The following MIB2 variants were observed in gnomAD, a reference collection of about 807,000 sequenced individuals.
MIB2 encodes MIB E3 ubiquitin protein ligase 2, also known as E3 ubiquitin-protein ligase MIB2.
MIB2 carries 78 observed loss-of-function variants against 96.6 expected under a neutral mutation model. The ratio of observed to expected loss-of-function variants is 0.81; its 90% CI spans 0.67 to 0.97. MIB2 has a LOEUF of 0.97. Ranked by LOEUF, MIB2 falls within the 50% of genes least tolerant of loss-of-function variation. The pLI, the probability that MIB2 is intolerant of heterozygous loss-of-function variation, is 0.00. For missense variants in MIB2, 1,543 were observed against 1,424.0 expected (o/e 1.08, Z -1.35); for synonymous variants, 820 against 629.5 (o/e 1.30, Z -4.53).
intron 4 of MIB2, chr1:1,624,355 C>T (rs1235965914): frequency 7.9e-6 from 3 of 379,666 alleles, no homozygotes; most frequent in Admixed American, 4.3e-5. Context: ...CCTCCCTGCA[C>T]GTGGAGGGAG....
intron 2 of MIB2, among the ~76,000 whole-genome samples, chr1:1,622,351 ATTC>A (rs1644338527): frequency 2.0e-5 from 3 of 151,986 alleles, no homozygotes; most frequent in South Asian, 2.1e-4. Context: ...GTTCACATCC[ATTC>A]TTCTTGTTAA....
upstream of MIB2, chr1:1,614,379 G>C (rs1643420047): frequency 6.6e-6 from 1 of 152,254 alleles, no homozygotes; most frequent in Non-Finnish European, 1.5e-5. Flanking sequence ...GCTTGCACAA[G>C]GACGTCGGCC....
Position 1,624,819 on chromosome 1 carries a change from C to G in MIB2, c.444C>G (p.Gly148=), listed in dbSNP as rs776341437. The change falls in exon 5 of 20, where the codon GGC becomes GGG. Residue 148 remains glycine (G), a synonymous_variant. Transcript: ENST00000355826. ...GTGTCACACTGAGTCCCCGCCAGGG[C>G]CTCCCGAGGATCCCACTAAGGGGCA... is the stretch of plus-strand genomic sequence containing the variant. ...SRPVTLSPRQ[G]LPRIPLRGIF... is the part of the protein sequence containing the mutation. The G allele has an allele frequency of 1.1e-5, 18 of 1,612,922 alleles. No homozygotes were observed. Among genetic ancestry groups the G allele is most frequent in the Admixed American group, 3.3e-5 (2 of 59,988 alleles).
intron 1 of MIB2, 185 bp downstream of exon 1, chr1:1,615,818 C>T (rs1643573425): frequency 7.7e-7 from 1 of 1,304,808 alleles, no homozygotes; most frequent in South Asian, 2.1e-5. Context: ...CGCGGGGCCT[C>T]CTGGGAGTTG....
chr1:1,616,165 C>G, intron 1 of MIB2: 3 of 929,402 alleles, frequency 3.2e-6, no homozygotes, highest in Middle Eastern at 5.4e-4. Context: ...GAGCCACGGG[C>G]ACGAATGACA....
In MIB2 at chr1:1,625,438, C is replaced by T; in HGVS notation, c.864+10C>T. The T allele has an allele frequency of 6.4e-7, 1 of 1,563,122 alleles. No individual in the cohort carries two copies. Among genetic ancestry groups the T allele is most frequent in the Non-Finnish European group, 8.7e-7 (1 of 1,155,412 alleles). On this transcript the variant is annotated intron_variant, in intron 7 of 19. Transcript: ENST00000355826. This position sits in a 1 kb window ranked among gnomAD's most constrained non-coding sequence, Gnocchi z 5.0. ...CCCCAGGATGGCGGAGGTGAGCCGCCCCGCCGTGGAGCCCTGTGTGCCCTG... is the reference window on the plus strand; with the variant it reads ...CCCCAGGATGGCGGAGGTGAGCCGCTCCGCCGTGGAGCCCTGTGTGCCCTG...
In MIB2 at chr1:1,630,254, C is replaced by T. The variant is rs1357119037; in HGVS notation, c.2630-38C>T. ...GCTCCCTGCTCCCCGCATTCCCCCA[C>T]CCGGCCTCCCAGCTCACACCCGTCC... On this transcript the variant is annotated intron_variant, in intron 19 of 19. Transcript: ENST00000355826. 4.0e-6 allele frequency: 4 copies of T among 1,003,404 alleles called. No homozygotes were observed. The South Asian group carries it at 5.5e-5, about 14-fold the overall frequency. 62.2% of individuals were successfully genotyped at this position (1,003,404 alleles called of 1,614,324 possible).
Position 1,629,700 on chromosome 1 carries a change from C to G in MIB2, c.2625C>G (p.Arg875=). The G allele has an allele frequency of 2.5e-6, 4 of 1,595,040 alleles. No homozygotes were observed. The highest frequency in any genetic ancestry group is 3.4e-6 in the Non-Finnish European group (4 of 1,171,126). Residue 875 remains arginine (R), a synonymous_variant, in exon 19 of 20, where the codon CGC becomes CGG. Transcript: ENST00000355826. ...RCQVVVSKKL[R]PDGSEVASAA... ...AGGTGGTCGTCAGCAAGAAACTGCG[C>G]CCAGGTGGGTGAGGCTCTGCGCCCC...
chr1:1,622,867 C>G (rs565933999), intron 2 of MIB2, among the ~76,000 whole-genome samples: 1 of 152,256 alleles, frequency 6.6e-6, no homozygotes, highest in East Asian at 1.9e-4. Flanking sequence ...TCCCGCTGGC[C>G]GATGCCTGCT....
At position 1,625,259 on chromosome 1, in the gene MIB2, T is replaced by C. The variant is rs762286230; in HGVS notation, c.722-27T>C. On this transcript the variant is annotated intron_variant, in intron 6 of 19. Coordinates refer to ENST00000355826, the MANE Select transcript of MIB2 (RefSeq NM_001170687.4). The surrounding 1 kb of genome is among the most constrained non-coding windows in gnomAD (Gnocchi z 5.0). ...GTCCCAGAGGGGAGGGGCCGCTGCCTGAGGCCTGGTCTGCCACCCTCCGCA... is the reference window on the plus strand; with the variant it reads ...GTCCCAGAGGGGAGGGGCCGCTGCCCGAGGCCTGGTCTGCCACCCTCCGCA... 2 of 1,596,794 alleles carry C rather than the reference T, an allele frequency of 1.3e-6. No homozygotes were observed. The highest frequency in any genetic ancestry group is 1.1e-5 in the South Asian group (1 of 89,894).
intron 2 of MIB2, chr1:1,617,096 C>A (rs1393972876): frequency 5.9e-6 from 1 of 168,424 alleles, no homozygotes; most frequent in Non-Finnish European, 1.3e-5. Flanking sequence ...ATGCTGGCCT[C>A]CCCGCCTCAG....
chr1:1,628,838 C>T (rs1228746693), intron 16 of MIB2, 116 bp downstream of exon 16: 2 of 985,092 alleles, frequency 2.0e-6, no homozygotes, highest in Non-Finnish European at 2.9e-6. Context: ...GGGAGCCAGG[C>T]GTTCTGGGGG....
Position 1,615,612 on chromosome 1 carries a change from C to T in MIB2, c.-151C>T, listed in dbSNP as rs199741261. 1.9e-6 allele frequency: 3 copies of T among 1,569,780 alleles called. No homozygotes were observed. Among genetic ancestry groups the T allele is most frequent in the Non-Finnish European group, 1.7e-6 (2 of 1,162,216 alleles). On this transcript the variant is annotated 5_prime_UTR_variant, in exon 1 of 20. Coordinates refer to ENST00000355826, the MANE Select transcript of MIB2 (RefSeq NM_001170687.4). ...TCGCTCCTAGGTCACTGGCGCGATG[C>T]GGGCCGTCCTCTCGGCTGATGGTGC...
intron 1 of MIB2, chr1:1,615,917 G>T: frequency 2.0e-6 from 2 of 999,482 alleles, no homozygotes; most frequent in Non-Finnish European, 1.2e-6. Flanking sequence ...TGGGGTCGTC[G>T]TCCGGGCCGG....
intron 2 of MIB2, among the ~76,000 whole-genome samples, chr1:1,621,941 G>A (rs1008926063): frequency 9.9e-5 from 15 of 152,222 alleles, no homozygotes; most frequent in African/African-American, 2.2e-4. Flanking sequence ...AGCAGGAGTC[G>A]GGGGCTTTGC....
chr1:1,628,843 T>TG, intron 16 of MIB2, 121 bp downstream of exon 16: 3 of 956,528 alleles, frequency 3.1e-6, no homozygotes, highest in Non-Finnish European at 4.5e-6. Flanking sequence ...CCAGGCGTTC[T>TG]GGGGGTGGAG....
chr1:1,630,012 C>A, intron 19 of MIB2, among the ~76,000 whole-genome samples: 1 of 148,466 alleles, frequency 6.7e-6, no homozygotes, highest in Admixed American at 6.6e-5. Context: ...CACAGCCCAC[C>A]CAGAGCACCG....
At chr1:1,622,437 C>T (rs572309479) in intron 2 of MIB2, among the ~76,000 whole-genome samples, 21 of 152,344 alleles carry the variant, frequency 1.4e-4, no homozygotes, top group South Asian at 6.2e-4. Context: ...AGTGAGCTCT[C>T]GGGGGTCAGC....
Position 1,623,905 on chromosome 1 carries a change from G to A in MIB2, c.379G>A (p.Ala127Thr), listed in dbSNP as rs367987171. The part of the protein sequence containing the change: ...QCYMHNKHEL[A>T]HAFDRYETAH... ...CTACATGCACAACAAGCATGAGCTCGCCCACGCCTTCGACCGCTACGAGAC... is the reference window on the plus strand; with the variant it reads ...CTACATGCACAACAAGCATGAGCTCACCCACGCCTTCGACCGCTACGAGAC... Residue 127 changes from alanine to threonine, a missense_variant, in exon 4 of 20, where the codon GCC becomes ACC. Transcript: ENST00000355826. The A allele has an allele frequency of 7.7e-5, 124 of 1,612,002 alleles. 2 individuals are homozygous for A. The East Asian group carries it at 2.3e-3, about 30-fold the overall frequency.
Sources: allele counts gnomAD v4.1 joint callset (sites outside exome capture counted in the v4.1 genomes callset), GRCh38; gene constraint gnomAD v4.1.1; non-coding constraint Gnocchi (gnomAD v3.1); transcripts MANE v1.5; gene names NCBI Gene and HGNC (gene_info 2026-07-23, HGNC 2026-07-21).